FOXO3: variants seen among roughly 807,000 people sequenced by gnomAD.
FOXO3 encodes forkhead box O3.
FOXO3 carries 4 observed loss-of-function variants against 41.9 expected under a neutral mutation model. That is an observed-to-expected ratio of 0.10 (90% CI 0.05 to 0.22). The LOEUF (loss-of-function observed/expected upper bound fraction) is 0.22, where lower values mean the gene tolerates loss of function less well. Ranked by LOEUF, FOXO3 falls within the 10% of genes least tolerant of loss-of-function variation. The pLI is 1.00. For missense variants in FOXO3, 534 were observed against 906.8 expected (o/e 0.59, Z 5.28); for synonymous variants, 318 against 389.3 (o/e 0.82, Z 2.16).
At chr6:108,573,148 G>T (rs1776155626) in intron 1 of FOXO3, among the ~76,000 whole-genome samples, 1 of 152,132 alleles carries the variant, frequency 6.6e-6, no homozygotes, top group Admixed American at 6.5e-5. Context: ...TTAGCTGGGT[G>T]TGGTGGCGGG....
chr6:108,667,573 T>C (rs1317075337), intron 2 of FOXO3, among the ~76,000 whole-genome samples: 4 of 152,226 alleles, frequency 2.6e-5, no homozygotes, highest in Admixed American at 2.0e-4. Flanking sequence ...TTCTCGTATA[T>C]GTGTAATTCT....
chr6:108,637,202 C>T (rs1778142741), intron 1 of FOXO3, among the ~76,000 whole-genome samples: 1 of 152,156 alleles, frequency 6.6e-6, no homozygotes, highest in South Asian at 2.1e-4. Context: ...CTGTTTTTGT[C>T]TTCCTTAATT....
intron 1 of FOXO3, among the ~76,000 whole-genome samples, chr6:108,640,813 A>C (rs1232491280): frequency 1.3e-5 from 2 of 152,212 alleles, no homozygotes; most frequent in East Asian, 3.8e-4. Context: ...GATCCTATTC[A>C]TTCATAGTTC....
chr6:108,671,655 C>T (rs2128390414), intron 2 of FOXO3, among the ~76,000 whole-genome samples: 1 of 152,306 alleles, frequency 6.6e-6, no homozygotes, highest in South Asian at 2.1e-4. Context: ...TTTAAAACAG[C>T]TCCAGAGGTT....
At chr6:108,564,373 C>G (rs1200511943) in intron 1 of FOXO3, among the ~76,000 whole-genome samples, 1 of 152,174 alleles carries the variant, frequency 6.6e-6, no homozygotes, top group Non-Finnish European at 1.5e-5. Flanking sequence ...TTCCAAGTGT[C>G]CAAGTTTAGG....
intron 1 of FOXO3, among the ~76,000 whole-genome samples, chr6:108,590,555 T>C (rs529700656): frequency 6.6e-6 from 1 of 152,310 alleles, no homozygotes; most frequent in East Asian, 1.9e-4. Flanking sequence ...CTGGGTCGTA[T>C]CCCTAAGATA....
intron 1 of FOXO3, among the ~76,000 whole-genome samples, chr6:108,578,680 C>T (rs1776327124): frequency 6.6e-6 from 1 of 152,118 alleles, no homozygotes; most frequent in Admixed American, 6.5e-5. Flanking sequence ...TGAGGACATT[C>T]CTAGTTTTAA....
At chr6:108,677,458 C>T (rs1770655148) in intron 2 of FOXO3, among the ~76,000 whole-genome samples, 1 of 152,196 alleles carries the variant, frequency 6.6e-6, no homozygotes, top group Non-Finnish European at 1.5e-5. Flanking sequence ...CACATTGGAG[C>T]AAGCCACACT....
intron 1 of FOXO3, among the ~76,000 whole-genome samples, chr6:108,573,798 C>T (rs983276022): frequency 6.6e-6 from 1 of 151,988 alleles, no homozygotes; most frequent in Non-Finnish European, 1.5e-5. Context: ...CATTTTACTC[C>T]AGCCTGGGGG....
In FOXO3 at chr6:108,637,465, A is replaced by G. The variant is rs1778149968; in HGVS notation, c.622-25990A>G. ...TACTGGGGGGCAAATCTCGTTCAAT[A>G]ATAGAAAGGTATGGTTAGCCTCTGA... On this transcript the variant is annotated intron_variant, in intron 1 of 2. Transcript: ENST00000406360. Among the ~76,000 whole-genome samples the G allele has an allele frequency of 3.9e-5, 6 of 152,142 alleles. No homozygotes were observed. In the South Asian group the frequency reaches 1.2e-3, roughly 31 times the overall value.
intron 1 of FOXO3, 24 bp from the exon 2 acceptor site, chr6:108,663,431 C>A: frequency 6.3e-7 from 1 of 1,581,500 alleles, no homozygotes; most frequent in Non-Finnish European, 8.6e-7. Context: ...GGTTCATACT[C>A]TGTATTTTCT....
chr6:108,642,985 T>A (rs887061555), intron 1 of FOXO3, among the ~76,000 whole-genome samples: 1 of 152,222 alleles, frequency 6.6e-6, no homozygotes, highest in African/African-American at 2.4e-5. Context: ...TGAGCACATT[T>A]GCAAGAATCC....
chr6:108,665,092 C>T (rs1332838051), intron 2 of FOXO3, among the ~76,000 whole-genome samples: 3 of 152,190 alleles, frequency 2.0e-5, no homozygotes, highest in East Asian at 1.9e-4. Context: ...CCCCTTCCCC[C>T]GCACAGTTTG....
chr6:108,585,030 T>TTTTG (rs1776536653), intron 1 of FOXO3, among the ~76,000 whole-genome samples: 1 of 107,764 alleles, frequency 9.3e-6, no homozygotes, highest in Non-Finnish European at 2.0e-5. Flanking sequence ...ATCTTTTTTT[T>TTTTG]TTTTTTTTTT....
Position 108,683,017 on chromosome 6 carries a change from G to C in FOXO3, c.*3225G>C, listed in dbSNP as rs1357559319. The C allele has an allele frequency of 6.6e-6, 1 of 152,666 alleles. No homozygotes were observed. The highest frequency in any genetic ancestry group is 2.4e-5 in the African/African-American group (1 of 41,462). 9.5% of individuals were successfully genotyped at this position (152,666 alleles called of 1,614,324 possible). On this transcript the variant is annotated 3_prime_UTR_variant, in exon 3 of 3. Coordinates refer to ENST00000406360, the MANE Select transcript of FOXO3 (RefSeq NM_001455.4). ...ACAAGCCTTCACTGTCCTGGCATGA[G>C]AACTGGCTGCCAGGCTCAGTGTACC...
At chr6:108,606,427 T>G (rs1777202787) in intron 1 of FOXO3, among the ~76,000 whole-genome samples, 1 of 152,204 alleles carries the variant, frequency 6.6e-6, no homozygotes, top group African/African-American at 2.4e-5. Context: ...ATTCCTCCCC[T>G]TCCCCCTAAA....
chr6:108,589,535 T>C (rs1414335629), intron 1 of FOXO3, among the ~76,000 whole-genome samples: 1 of 152,162 alleles, frequency 6.6e-6, no homozygotes, highest in Non-Finnish European at 1.5e-5. Flanking sequence ...GTTCTTAGAG[T>C]GCATGCATTA....
intron 1 of FOXO3, among the ~76,000 whole-genome samples, chr6:108,589,953 C>T (rs116040549): frequency 0.011 from 1,603 of 152,160 alleles, 39 homozygotes; most frequent in African/African-American, 0.037. Context: ...CTATTTTTTT[C>T]CAGAAACTTT....
chr6:108,568,333 T>A (rs1459071264), intron 1 of FOXO3, among the ~76,000 whole-genome samples: 1 of 152,060 alleles, frequency 6.6e-6, no homozygotes, highest in Non-Finnish European at 1.5e-5. Flanking sequence ...CTTCAAGCTC[T>A]TCACTTGCTG....
Sources: gnomAD v4.1 joint callset for allele counts (sites outside exome capture counted in the v4.1 genomes callset) on GRCh38, gnomAD v4.1.1 for gene constraint, MANE v1.5 for transcripts, NCBI Gene and HGNC (gene_info 2026-07-23, HGNC 2026-07-21) for gene names.